The following RCAN2 variants were observed in gnomAD, a reference collection of about 807,000 sequenced individuals.
RCAN2 encodes calcipressin-2.
In RCAN2, 9 loss-of-function variants were observed where a neutral mutation model predicts 23.6. The ratio of observed to expected loss-of-function variants is 0.38; its 90% CI spans 0.23 to 0.67. RCAN2 has a LOEUF of 0.67. RCAN2 is among the 30% of genes least tolerant of loss of function. The probability of loss-of-function intolerance (pLI) is 0.51; values close to 1 mark genes in which losing one functional copy is unlikely to be tolerated. For missense variants in RCAN2, 273 were observed against 302.3 expected (o/e 0.90, Z 0.72); for synonymous variants, 109 against 115.7 (o/e 0.94, Z 0.37).
chr6:46,454,553 C>A (rs1195771613), intron 2 of RCAN2, among the ~76,000 whole-genome samples: 1 of 152,072 alleles, frequency 6.6e-6, no homozygotes, highest in Non-Finnish European at 1.5e-5. Context: ...AAAAAAAAAT[C>A]TTGCTGAGGT....
chr6:46,344,743 A>G (rs1764431747), intron 2 of RCAN2, among the ~76,000 whole-genome samples: 1 of 152,046 alleles, frequency 6.6e-6, no homozygotes, highest in Non-Finnish European at 1.5e-5. Context: ...GAGGGATCAA[A>G]TGGAATACTA....
At chr6:46,347,020 C>G (rs1764505207) in intron 2 of RCAN2, among the ~76,000 whole-genome samples, 2 of 152,126 alleles carry the variant, frequency 1.3e-5, no homozygotes, top group East Asian at 1.9e-4. Flanking sequence ...GGACTACAGG[C>G]ACCCGCCACC....
intron 2 of RCAN2, among the ~76,000 whole-genome samples, chr6:46,335,908 C>T (rs1450397883): frequency 6.6e-6 from 1 of 152,180 alleles, no homozygotes; most frequent in African/African-American, 2.4e-5. Flanking sequence ...TGTAAACATT[C>T]ATAGGAGTTA....
intron 2 of RCAN2, among the ~76,000 whole-genome samples, chr6:46,303,634 C>T (rs2150352479): frequency 6.6e-6 from 1 of 152,132 alleles, no homozygotes; most frequent in East Asian, 1.9e-4. Context: ...TCGTTTCTGC[C>T]CTCTTCCAGT....
At chr6:46,405,254 C>T (rs1766364792) in intron 2 of RCAN2, among the ~76,000 whole-genome samples, 1 of 152,108 alleles carries the variant, frequency 6.6e-6, no homozygotes, top group Non-Finnish European at 1.5e-5. Flanking sequence ...AGTGTTACAG[C>T]TCATAAAAGC....
intron 2 of RCAN2, among the ~76,000 whole-genome samples, chr6:46,426,481 G>T (rs1044882241): frequency 5.9e-5 from 9 of 152,094 alleles, no homozygotes; most frequent in African/African-American, 2.2e-4. Context: ...ACCGCTTTTA[G>T]TACTAATCAC....
intron 2 of RCAN2, among the ~76,000 whole-genome samples, chr6:46,288,685 C>A: frequency 6.6e-6 from 1 of 152,264 alleles, no homozygotes; most frequent in Non-Finnish European, 1.5e-5. Flanking sequence ...TTTCCTCTTT[C>A]ATCCCCGAAG....
chr6:46,353,346 T>G (rs1267303531), intron 2 of RCAN2, among the ~76,000 whole-genome samples: 1 of 152,024 alleles, frequency 6.6e-6, no homozygotes, highest in Non-Finnish European at 1.5e-5. Flanking sequence ...TTTTGCTTTT[T>G]GGGTGTGGGG....
chr6:46,364,935 C>A (rs1204383745), intron 2 of RCAN2, among the ~76,000 whole-genome samples: 1 of 152,140 alleles, frequency 6.6e-6, no homozygotes. Flanking sequence ...GTTCCCTCTA[C>A]CTGGAATGCT....
chr6:46,478,922 T>C (rs989055106), intron 1 of RCAN2, among the ~76,000 whole-genome samples: 3 of 152,156 alleles, frequency 2.0e-5, no homozygotes, highest in Non-Finnish European at 2.9e-5. Context: ...TTATAAACAA[T>C]TGGCGATGTG....
At chr6:46,231,563 C>T (rs1295116555) in intron 4 of RCAN2, among the ~76,000 whole-genome samples, 2 of 152,076 alleles carry the variant, frequency 1.3e-5, no homozygotes, top group Non-Finnish European at 2.9e-5. Context: ...GTGCACGCCA[C>T]CGTGCCTGGC....
At chr6:46,333,212 T>G (rs1012165344) in intron 2 of RCAN2, among the ~76,000 whole-genome samples, 1 of 152,206 alleles carries the variant, frequency 6.6e-6, no homozygotes, top group Admixed American at 6.5e-5. Context: ...TATTAGCCCT[T>G]TGTCAGATGA....
At chr6:46,266,931 A>T (rs1277447064) in intron 2 of RCAN2, among the ~76,000 whole-genome samples, 2 of 74,954 alleles carry the variant, frequency 2.7e-5, no homozygotes, top group African/African-American at 9.2e-5. Flanking sequence ...ACCCAGAGAC[A>T]TTCCACCGAC....
intron 2 of RCAN2, among the ~76,000 whole-genome samples, chr6:46,337,250 T>C (rs1764174626): frequency 6.6e-6 from 1 of 152,216 alleles, no homozygotes; most frequent in Non-Finnish European, 1.5e-5. Flanking sequence ...TTGGCACTAA[T>C]TAAGGAAGAA....
At chr6:46,238,825 T>C (rs1301719628) in intron 4 of RCAN2, among the ~76,000 whole-genome samples, 1 of 152,134 alleles carries the variant, frequency 6.6e-6, no homozygotes, top group Admixed American at 6.5e-5. Context: ...AAGACTGGGA[T>C]TTATAGGGGT....
At chr6:46,280,632 C>T (rs987307366) in intron 2 of RCAN2, among the ~76,000 whole-genome samples, 3 of 152,302 alleles carry the variant, frequency 2.0e-5, no homozygotes, top group African/African-American at 7.2e-5. Context: ...AAAGGGGATT[C>T]TGCTGGTTCC....
intron 2 of RCAN2, among the ~76,000 whole-genome samples, chr6:46,340,486 T>G (rs1039091566): frequency 4.6e-5 from 7 of 152,222 alleles, no homozygotes; most frequent in Admixed American, 2.0e-4. Context: ...CAATTCATGC[T>G]ACTTTCAGCC....
chr6:46,292,392 A>G (rs1038373524), intron 2 of RCAN2, among the ~76,000 whole-genome samples: 23 of 144,530 alleles, frequency 1.6e-4, no homozygotes, highest in Non-Finnish European at 3.2e-4. Flanking sequence ...TTATTATGCT[A>G]TCCTTTTGCC....
intron 2 of RCAN2, among the ~76,000 whole-genome samples, chr6:46,367,021 G>GAATATATATA (rs1458476806): frequency 2.5e-5 from 1 of 40,202 alleles, no homozygotes; most frequent in Non-Finnish European, 5.5e-5. Flanking sequence ...TATCTGGGAT[G>GAATATATATA]GATATATATA....
Sources: allele counts gnomAD v4.1 joint callset (sites outside exome capture counted in the v4.1 genomes callset), GRCh38; gene constraint gnomAD v4.1.1; transcripts MANE v1.5; gene names NCBI Gene and HGNC (gene_info 2026-07-23, HGNC 2026-07-21).